Variants in CGN observed in about 807,000 individuals in gnomAD.
CGN encodes the protein cingulin.
Under a neutral mutation model 157.1 loss-of-function variants are expected in CGN, and 121 were observed. The observed-to-expected ratio is 0.77, with a 90% CI of 0.66 to 0.90. CGN has a LOEUF of 0.90. CGN is among the 40% of genes least tolerant of loss of function. CGN has a pLI of 0.00. For synonymous variants in CGN, 535 were observed against 607.5 expected, an observed-to-expected ratio of 0.88 and a Z score of 1.76; for missense variants, 1,424 against 1,520.9, an observed-to-expected ratio of 0.94 and a Z score of 1.06.
At chr1:151,528,292 CTG>C (rs1664745736) in intron 10 of CGN, among the ~76,000 whole-genome samples, 1 of 151,902 alleles carries the variant, frequency 6.6e-6, no homozygotes, top group Non-Finnish European at 1.5e-5. Context: ...CAGCCTCACA[CTG>C]TATTTTTTTT....
Position 151,518,869 on chromosome 1 carries a change from G to A in CGN, c.350G>A (p.Ser117Asn). Residue 117 changes from serine to asparagine, a missense_variant, in exon 2 of 21, where the codon AGC (serine) becomes AAC (asparagine). By Grantham distance (46) the Ser-to-Asn change is conservative. Transcript: ENST00000271636. ...AAGGGATTTCCTGCCCCCTCGCAGA[G>A]CAGCACATCTGATGAGGAGCCTGGG... ...QVKGFPAPSQ[S>N]STSDEEPGAY... The A allele has an allele frequency of 6.2e-7, 1 of 1,614,058 alleles. No individual in the cohort carries two copies. Among genetic ancestry groups the A allele is most frequent in the Non-Finnish European group, 8.5e-7 (1 of 1,179,940 alleles).
rs1219060846 is a variant in CGN at position 151,534,014 on chromosome 1, G to A, written c.2782G>A (p.Glu928Lys). 1.2e-6 allele frequency: 2 copies of A among 1,613,002 alleles called. No individual in the cohort carries two copies. The highest frequency in any genetic ancestry group is 1.1e-5 in the South Asian group (1 of 90,994). The change falls in exon 15 of 21, where the codon GAG becomes AAG. Residue 928 changes from glutamate to lysine, a missense_variant. Physicochemically the swap from Glu to Lys is moderately conservative, Grantham distance 56 (BLOSUM62 1). Coordinates refer to ENST00000271636, the MANE Select transcript of CGN (RefSeq NM_020770.3). ...GCAGGCCCTGCAGGCATCCCAGGCT[G>A]AGCGGGACACAGCCCGGCTGGACAA... ...LRQALQASQA[E>K]RDTARLDKEL... is the part of the protein sequence containing the mutation.
chr1:151,529,323 C>G, intron 10 of CGN, 27 bp from the exon 11 acceptor site: 1 of 1,598,384 alleles, frequency 6.3e-7, no homozygotes, highest in African/African-American at 1.3e-5. Context: ...CTCTGGGTGC[C>G]CCATCACCAT....
intron 10 of CGN, among the ~76,000 whole-genome samples, chr1:151,528,219 C>G (rs756668053): frequency 2.6e-5 from 4 of 151,782 alleles, no homozygotes; most frequent in Non-Finnish European, 5.9e-5. Context: ...GATCTCCTGA[C>G]CTTGTGATCC....
Position 151,524,269 on chromosome 1 carries a change from C to T in CGN, c.1312C>T (p.Arg438Ter), listed in dbSNP as rs367919390. The change falls in exon 7 of 21, where the codon CGA becomes TGA. Residue 438 changes from arginine (R) to a stop codon, truncating the protein, a stop_gained. Coordinates refer to ENST00000271636, the MANE Select transcript of CGN (RefSeq NM_020770.3). LOFTEE classifies it high-confidence loss of function. This position sits in a 1 kb window ranked among gnomAD's most constrained non-coding sequence, Gnocchi z 4.4. ...KRLLDQGEDL[R>*]HGLETQVMEL... ...CCTCTTGGACCAGGGTGAAGATTTA[C>T]GACATGGGCTGGAGACCCAGGTGAT... The T allele has an allele frequency of 1.7e-5, 28 of 1,614,054 alleles. No homozygotes were observed. The highest frequency in any genetic ancestry group is 1.0e-4 in the Admixed American group (6 of 59,994).
chr1:151,527,490 G>GA (rs1425308751), intron 10 of CGN, among the ~76,000 whole-genome samples: 2 of 152,042 alleles, frequency 1.3e-5, no homozygotes, highest in East Asian at 3.9e-4. Context: ...CTACATTTAT[G>GA]AAAAAATGTT....
chr1:151,534,134 G>C lies in CGN; in HGVS notation c.2902G>C (p.Glu968Gln), dbSNP rs765011107. The C allele has an allele frequency of 1.3e-6, 2 of 1,580,388 alleles. No homozygotes were observed. Among genetic ancestry groups the C allele is most frequent in the Middle Eastern group, 3.3e-4 (2 of 6,020 alleles). ...CAGGGCCCGGCAGCTGAAGGGTCTCGAGGTGAGGGCACTGAGGTGTGACCT... is the reference window on the plus strand; with the variant it reads ...CAGGGCCCGGCAGCTGAAGGGTCTCCAGGTGAGGGCACTGAGGTGTGACCT... ...DDRARQLKGL[E>Q]EKVSRLETEL... The change falls in exon 15 of 21, where the codon GAG becomes CAG. Residue 968 changes from glutamate (E) to glutamine (Q), a missense_variant and splice_region_variant. By Grantham distance (29) the Glu-to-Gln change is conservative. This residue lies in a region of CGN where 199 missense variants were observed against 272.2 expected (regional missense o/e 0.73). Transcript: ENST00000271636.
At chr1:151,529,831 TG>T in intron 11 of CGN, 77 bp from the exon 12 acceptor site, 1 of 1,348,154 alleles carries the variant, frequency 7.4e-7, no homozygotes, top group Non-Finnish European at 1.0e-6. Context: ...TTCCTGGGTG[TG>T]GTCAATGGCC....
intron 10 of CGN, chr1:151,527,808 TACACACACAC>T (rs141985486): frequency 1.5e-4 from 24 of 155,966 alleles, no homozygotes; most frequent in Non-Finnish European, 2.3e-4. Context: ...TTTGGTTTTA[TACACACACAC>T]ACACACACAC....
chr1:151,513,875 G>A (rs1397090555), intron 1 of CGN, among the ~76,000 whole-genome samples: 3 of 152,238 alleles, frequency 2.0e-5, no homozygotes, highest in Admixed American at 2.0e-4. Flanking sequence ...TCTTCCTGGA[G>A]TACAGTTGGT....
rs774970131 is a variant in CGN, at chr1:151,530,421, C to A, written c.2314-68C>A. On this transcript the variant is annotated intron_variant, in intron 12 of 20. Transcript: ENST00000271636. ...TACCTCCTTTCTCCTGCCCAGCTAC[C>A]CACCTCCAAATGACTTGAACCCAAG... 4.0e-4 allele frequency: 595 copies of A among 1,492,790 alleles called. 1 individual carries two copies. Among genetic ancestry groups the A allele is most frequent in the Non-Finnish European group, 5.1e-4 (577 of 1,125,288 alleles). 92.5% of individuals were successfully genotyped at this position (1,492,790 alleles called of 1,614,324 possible).
In CGN at chr1:151,524,410, T is replaced by C. The variant is rs181916644; in HGVS notation, c.1401+52T>C. On this transcript the variant is annotated intron_variant, in intron 7 of 20. Transcript: ENST00000271636. The surrounding 1 kb of genome is among the most constrained non-coding windows in gnomAD (Gnocchi z 4.4). ...CCTCTGCTTTTTCTCAGTTGGAGCA[T>C]CCTCAAGTCTGCTCATCCATGGTTT... is the stretch of plus-strand genomic sequence containing the variant. The C allele has an allele frequency of 1.2e-6, 2 of 1,603,074 alleles. No homozygotes were observed. Among genetic ancestry groups the C allele is most frequent in the African/African-American group, 2.7e-5 (2 of 74,574 alleles).
chr1:151,526,838 C>A, intron 9 of CGN, 137 bp from the exon 10 acceptor site: 2 of 901,998 alleles, frequency 2.2e-6, no homozygotes, highest in Non-Finnish European at 3.4e-6. Context: ...TTTCCACGTT[C>A]ACCTTCCTTC....
chr1:151,530,062 G>A lies in CGN; in HGVS notation c.2260G>A (p.Asp754Asn). 2 of 1,614,126 alleles carry A rather than the reference G, an allele frequency of 1.2e-6. No individual in the cohort carries two copies. Among genetic ancestry groups the A allele is most frequent in the Non-Finnish European group, 1.7e-6 (2 of 1,180,008 alleles). Reference protein sequence around the residue: ...QQLKETRGLVDGGEAVEARLR... With the variant: ...QQLKETRGLVNGGEAVEARLR... ...GCTGAAGGAGACTCGAGGTCTGGTGGATGGTGGGGAAGCGGTGGAGGCACG... is the reference window on the plus strand; with the variant it reads ...GCTGAAGGAGACTCGAGGTCTGGTGAATGGTGGGGAAGCGGTGGAGGCACG... The change falls in exon 12 of 21, where the codon GAT becomes AAT. Residue 754 changes from aspartate to asparagine, a missense_variant. Asp to Asn is a conservative substitution (Grantham distance 23). Coordinates refer to ENST00000271636, the MANE Select transcript of CGN (RefSeq NM_020770.3).
chr1:151,518,231 C>T (rs1008759968), intron 1 of CGN, among the ~76,000 whole-genome samples: 2 of 152,152 alleles, frequency 1.3e-5, no homozygotes, highest in African/African-American at 4.8e-5. Flanking sequence ...GTTAGTGAGT[C>T]TCAAAGTGTG....
chr1:151,536,932 TAG>T, intron 20 of CGN, 39 bp downstream of exon 20: 1 of 1,598,810 alleles, frequency 6.3e-7, no homozygotes, highest in South Asian at 1.1e-5. Flanking sequence ...ATAGGGACAC[TAG>T]AGCAGGGAGG....
intron 20 of CGN, 127 bp downstream of exon 20, chr1:151,537,020 A>G: frequency 1.6e-6 from 2 of 1,228,772 alleles, no homozygotes; most frequent in Non-Finnish European, 2.2e-6. Flanking sequence ...TCTGGTTGGA[A>G]GCCAGTATAT....
intron 5 of CGN, among the ~76,000 whole-genome samples, chr1:151,523,033 T>A (rs951994874): frequency 1.3e-5 from 2 of 152,208 alleles, no homozygotes; most frequent in Non-Finnish European, 2.9e-5. Flanking sequence ...GAGCTACTTT[T>A]GAGTATCCTC....
upstream of CGN, chr1:151,510,869 A>C (rs1030158128): frequency 6.6e-6 from 1 of 152,236 alleles, no homozygotes; most frequent in South Asian, 2.1e-4. Flanking sequence ...ATAAAAGAGA[A>C]TCCAAGATCA....
Sources: allele counts gnomAD v4.1 joint callset (sites outside exome capture counted in the v4.1 genomes callset), GRCh38; gene constraint gnomAD v4.1.1; regional missense constraint gnomAD v4.1.1; non-coding constraint Gnocchi (gnomAD v3.1); transcripts MANE v1.5; gene names NCBI Gene and HGNC (gene_info 2026-07-23, HGNC 2026-07-21).